The following ESPL1 variants were observed in gnomAD, a reference collection of about 807,000 sequenced individuals.
The protein encoded by ESPL1 is extra spindle pole bodies like 1, separase, also known as separin.
In ESPL1, 50 loss-of-function variants were observed where a neutral mutation model predicts 217.2. The ratio of observed to expected loss-of-function variants is 0.23; its 90% CI spans 0.18 to 0.29. The LOEUF (loss-of-function observed/expected upper bound fraction) is 0.29, where lower values mean the gene tolerates loss of function less well. Ranked by LOEUF, ESPL1 falls within the 10% of genes least tolerant of loss-of-function variation. The pLI is 1.00. For synonymous variants in ESPL1, 994 were observed against 1,081.3 expected (o/e 0.92, Z 1.58); for missense variants, 1,834 against 2,603.0 (o/e 0.70, Z 6.43).
At chr12:53,278,597 C>CTTTTT (rs111602446) in intron 11 of ESPL1, among the ~76,000 whole-genome samples, 2 of 144,530 alleles carry the variant, frequency 1.4e-5, no homozygotes, top group African/African-American at 5.1e-5. Context: ...TGTGTGCCTT[C>CTTTTT]TTTTTTTTTT....
Position 53,289,129 on chromosome 12 carries a change from T to C in ESPL1, c.4748T>C (p.Val1583Ala). 2 of 1,614,250 alleles carry C rather than the reference T, an allele frequency of 1.2e-6. No individual in the cohort carries two copies. Among genetic ancestry groups the C allele is most frequent in the East Asian group, 4.5e-5 (2 of 44,890 alleles). The stretch of plus-strand genomic sequence containing the variant: ...GACTCCATCTGTGACTCCCTGAGTG[T>C]TGCTTTCCGGGGCATTAGTCACTGT... The part of the protein sequence containing the change: ...TLDSICDSLS[V>A]AFRGISHCPP... Residue 1583 changes from valine to alanine, a missense_variant, in exon 21 of 31, where the codon GTT (valine) becomes GCT (alanine). By Grantham distance (64) the Val-to-Ala change is moderately conservative. Around this residue, in one of 5 missense-constraint regions of ESPL1, gnomAD observed 681 missense variants for 808.0 expected, o/e 0.84. Coordinates refer to ENST00000257934, the MANE Select transcript of ESPL1 (RefSeq NM_012291.5).
In ESPL1 at chr12:53,292,948, C is replaced by T; in HGVS notation, c.6139C>T (p.Leu2047Phe). The T allele has an allele frequency of 6.2e-7, 1 of 1,613,698 alleles. No homozygotes were observed. The highest frequency in any genetic ancestry group is 2.2e-5 in the East Asian group (1 of 44,874). The change falls in exon 30 of 31, where the codon CTC (leucine) becomes TTC (phenylalanine). Residue 2047 changes from leucine (L) to phenylalanine (F), a missense_variant. Physicochemically the swap from Leu to Phe is conservative, Grantham distance 22. This residue lies in a region of ESPL1 where 295 missense variants were observed against 519.8 expected (regional missense o/e 0.57). Coordinates refer to ENST00000257934, the MANE Select transcript of ESPL1 (RefSeq NM_012291.5). The surrounding 1 kb of genome is among the most constrained non-coding windows in gnomAD (Gnocchi z 4.5). ...AAACCTGGAGGGGGCTGGCATCGTG[C>T]TCAAGTACATCATGGCTGGTTGGTG... is the stretch of plus-strand genomic sequence containing the variant. Reference protein sequence around the residue: ...RGNLEGAGIVLKYIMAGCPLF... With the variant: ...RGNLEGAGIVFKYIMAGCPLF...
chr12:53,279,909 G>A (rs756489583), intron 12 of ESPL1, 43 bp downstream of exon 12: 5 of 1,506,484 alleles, frequency 3.3e-6, no homozygotes, highest in East Asian at 2.4e-5. Flanking sequence ...CAGGGGGCCC[G>A]TAGCTTTAGA....
Position 53,270,177 on chromosome 12 carries a change from C to T in ESPL1, c.1143+92C>T, listed in dbSNP as rs893285333. ...TGGCAAGATCTGGAGGTCCTGGCTC[C>T]CTCCTTGTTAAGCTGCTCTCTGGAC... On this transcript the variant is annotated intron_variant, in intron 3 of 30. Transcript: ENST00000257934. 3.3e-6 allele frequency: 4 copies of T among 1,194,716 alleles called. No homozygotes were observed. In the African/African-American group the frequency reaches 4.6e-5, roughly 14 times the overall value. 74.0% of individuals were successfully genotyped at this position (1,194,716 alleles called of 1,614,324 possible).
At chr12:53,271,906 T>C (rs1161985117) in intron 5 of ESPL1, among the ~76,000 whole-genome samples, 2 of 151,888 alleles carry the variant, frequency 1.3e-5, no homozygotes, top group East Asian at 3.9e-4. Flanking sequence ...TGGCTAACAG[T>C]GAAACCCCGT....
chr12:53,292,228 T>C lies in ESPL1; in HGVS notation c.5797-50T>C. 1 of 1,477,710 alleles carries C rather than the reference T, an allele frequency of 6.8e-7. No individual in the cohort carries two copies. Among genetic ancestry groups the C allele is most frequent in the Non-Finnish European group, 9.5e-7 (1 of 1,056,012 alleles). 91.5% of individuals were successfully genotyped at this position (1,477,710 alleles called of 1,614,324 possible). The stretch of plus-strand genomic sequence containing the variant: ...GAAAGGGGCTGAGATTGTTAGAGCT[T>C]GGGCCTCTTGGTGAGACAAGCATCC... On this transcript the variant is annotated intron_variant, in intron 27 of 30. Coordinates refer to ENST00000257934, the MANE Select transcript of ESPL1 (RefSeq NM_012291.5). The surrounding 1 kb of genome is among the most constrained non-coding windows in gnomAD (Gnocchi z 4.5).
intron 20 of ESPL1, 67 bp from the exon 21 acceptor site, chr12:53,289,023 T>C: frequency 1.5e-6 from 2 of 1,291,036 alleles, no homozygotes; most frequent in East Asian, 4.6e-5. Flanking sequence ...CTGTTCCTTC[T>C]TGGAAAGTTC....
Position 53,269,051 on chromosome 12 carries a change from T to A in ESPL1, c.109T>A (p.Phe37Ile), listed in dbSNP as rs1247995834. 1 of 1,612,964 alleles carries A rather than the reference T, an allele frequency of 6.2e-7. No homozygotes were observed. The highest frequency in any genetic ancestry group is 1.7e-5 in the Admixed American group (1 of 59,950). Residue 37 changes from phenylalanine (F) to isoleucine (I), a missense_variant, in exon 3 of 31, where the codon TTT (phenylalanine) becomes ATT (isoleucine). Physicochemically the swap from Phe to Ile is conservative, Grantham distance 21. Coordinates refer to ENST00000257934, the MANE Select transcript of ESPL1 (RefSeq NM_012291.5). The surrounding 1 kb of genome is among the most constrained non-coding windows in gnomAD (Gnocchi z 6.7). ...KEFLSNPPAGFPSSRSDAERR... is the reference protein window; with the variant it reads ...KEFLSNPPAGIPSSRSDAERR... ...GTTCCTGTCCAACCCTCCAGCTGGT[T>A]TTCCCAGCAGCCGATCTGATGCTGA...
In ESPL1 at chr12:53,269,958, G is replaced by A. The variant is rs768386247; in HGVS notation, c.1016G>A (p.Ser339Asn). The A allele has an allele frequency of 6.2e-7, 1 of 1,614,198 alleles. No homozygotes were observed. The highest frequency in any genetic ancestry group is 1.3e-5 in the African/African-American group (1 of 75,046). Residue 339 changes from serine (S) to asparagine (N), a missense_variant, in exon 3 of 31, where the codon AGC (serine) becomes AAC (asparagine). Ser to Asn is a conservative substitution (Grantham distance 46). This residue lies in a region of ESPL1 where 746 missense variants were observed against 1,077.0 expected (regional missense o/e 0.69). Coordinates refer to ENST00000257934, the MANE Select transcript of ESPL1 (RefSeq NM_012291.5). The surrounding 1 kb of genome is among the most constrained non-coding windows in gnomAD (Gnocchi z 6.7). Reference sequence around the variant, plus strand: ...CCCCCACTTCGGGCATTGTATGAGAGCTGCCAGTTCTTCCTTTCAGGCCTG... The same window carrying A: ...CCCCCACTTCGGGCATTGTATGAGAACTGCCAGTTCTTCCTTTCAGGCCTG... Reference protein sequence around the residue: ...PSPPLRALYESCQFFLSGLER... With the variant: ...PSPPLRALYENCQFFLSGLER...
rs183602485 is a variant in ESPL1, at chr12:53,292,696, C to T, written c.5996+39C>T. ...GCAGGGATGTGGGGAGAGGGGCAGT[C>T]CTGAGGATGGTATCACCATGGGTTG... On this transcript the variant is annotated intron_variant, in intron 29 of 30. Transcript: ENST00000257934. This position sits in a 1 kb window ranked among gnomAD's most constrained non-coding sequence, Gnocchi z 4.5. 1 of 1,601,030 alleles carries T rather than the reference C, an allele frequency of 6.2e-7. No homozygotes were observed. Among genetic ancestry groups the T allele is most frequent in the Non-Finnish European group, 8.6e-7 (1 of 1,169,528 alleles).
At position 53,290,988 on chromosome 12, in the gene ESPL1, C is replaced by T. The variant is rs1292313943; in HGVS notation, c.5512C>T (p.Leu1838=). Reference sequence around the variant, plus strand: ...TGGCTGGAAATATCCTGACCGCACTCTGCTGAAAGTGAGTGAGGAAAGCAG... The same window carrying T: ...TGGCTGGAAATATCCTGACCGCACTTTGCTGAAAGTGAGTGAGGAAAGCAG... ...DCGWKYPDRT[L]LKIMLSGAGA... Residue 1838 remains leucine, a synonymous_variant, in exon 25 of 31, where the codon CTG becomes TTG. Coordinates refer to ENST00000257934, the MANE Select transcript of ESPL1 (RefSeq NM_012291.5). The T allele has an allele frequency of 6.3e-7, 1 of 1,587,360 alleles. No individual in the cohort carries two copies. The highest frequency in any genetic ancestry group is 1.3e-5 in the African/African-American group (1 of 74,338).
intron 2 of ESPL1, 26 bp downstream of exon 2, chr12:53,268,873 A>G: frequency 1.9e-6 from 3 of 1,587,920 alleles, no homozygotes; most frequent in Non-Finnish European, 1.7e-6. Flanking sequence ...GGCTCGGGAT[A>G]CACCTGGCTT....
intron 9 of ESPL1, 115 bp from the exon 10 acceptor site, chr12:53,277,355 A>C: frequency 6.7e-7 from 1 of 1,485,882 alleles, no homozygotes; most frequent in Non-Finnish European, 9.1e-7. Flanking sequence ...TCTGTTGCCC[A>C]GGCTGGTCTT....
chr12:53,273,836 GTTTTTTTTTTTTTTTTTTTT>G (rs71096001), intron 6 of ESPL1, among the ~76,000 whole-genome samples: 2 of 63,154 alleles, frequency 3.2e-5, no homozygotes, highest in African/African-American at 1.6e-4. Context: ...TGGTTTTTTG[GTTTTTTTTTTTTTTTTTTTT>G]TTTTTTTTTT....
intron 24 of ESPL1, 35 bp from the exon 25 acceptor site, chr12:53,290,806 C>T (rs978946588): frequency 1.1e-5 from 12 of 1,121,534 alleles, no homozygotes; most frequent in Admixed American, 4.2e-5. Context: ...AGCTTGGTTT[C>T]CTCTCTGACT....
In ESPL1 at chr12:53,292,616, T is replaced by C. The variant is rs748602243; in HGVS notation, c.5955T>C (p.Pro1985=). ...WRGVVGEVPR[P]EQVQEALTKH... The stretch of plus-strand genomic sequence containing the variant: ...GAGTGGTTGGGGAGGTGCCAAGACC[T>C]GAACAGGTGCAGGAAGCCCTGACAA... The change falls in exon 29 of 31, where the codon CCT becomes CCC. Residue 1985 remains proline (P), a synonymous_variant. Coordinates refer to ENST00000257934, the MANE Select transcript of ESPL1 (RefSeq NM_012291.5). The surrounding 1 kb of genome is among the most constrained non-coding windows in gnomAD (Gnocchi z 4.5). 22 of 1,612,832 alleles carry C rather than the reference T, an allele frequency of 1.4e-5. No homozygotes were observed. Among genetic ancestry groups the C allele is most frequent in the Non-Finnish European group, 1.8e-5 (21 of 1,179,998 alleles).
At chr12:53,288,781 G>A in intron 20 of ESPL1, 82 bp downstream of exon 20, 1 of 1,367,544 alleles carries the variant, frequency 7.3e-7, no homozygotes, top group Non-Finnish European at 1.0e-6. Flanking sequence ...TTCCAGGCTG[G>A]GTTCGGATCT....
In ESPL1 at chr12:53,290,373, G is replaced by A. The variant is rs960227965; in HGVS notation, c.5268G>A (p.Glu1756=). 6.2e-7 allele frequency: 1 copy of A among 1,613,270 alleles called. No individual in the cohort carries two copies. The highest frequency in any genetic ancestry group is 1.3e-5 in the African/African-American group (1 of 75,054). Residue 1756 remains glutamate (E), a synonymous_variant, in exon 24 of 31, where the codon GAG becomes GAA. Transcript: ENST00000257934. ...TTCATCTGCGTTCAGTCCTGAATGA[G>A]TTTGATGCCATCCAGAAGGCACAGA... The part of the protein sequence containing the change: ...NKLHLRSVLN[E]FDAIQKAQKE...
chr12:53,271,403 G>T (rs1002707253), intron 5 of ESPL1, among the ~76,000 whole-genome samples: 2 of 151,604 alleles, frequency 1.3e-5, no homozygotes, highest in African/African-American at 2.4e-5. Flanking sequence ...TGTATTTTTT[G>T]TAGAGATGAT....
Sources: gnomAD v4.1 joint callset for allele counts (sites outside exome capture counted in the v4.1 genomes callset) on GRCh38, gnomAD v4.1.1 for gene constraint, gnomAD v4.1.1 regional missense constraint, Gnocchi (gnomAD v3.1) non-coding constraint, MANE v1.5 for transcripts, NCBI Gene and HGNC (gene_info 2026-07-23, HGNC 2026-07-21) for gene names.